The following WDPCP variants were observed in gnomAD, a reference collection of about 807,000 sequenced individuals.
WDPCP encodes WD repeat-containing and planar cell polarity effector protein fritz homolog.
Under a neutral mutation model 93.1 loss-of-function variants are expected in WDPCP, and 71 were observed. That is an observed-to-expected ratio of 0.76 (90% CI 0.63 to 0.93). The LOEUF is 0.93. Ranked by LOEUF, WDPCP falls within the 40% of genes least tolerant of loss-of-function variation. The probability of loss-of-function intolerance (pLI) is 0.00; values close to 1 mark genes in which losing one functional copy is unlikely to be tolerated. For synonymous variants in WDPCP, 315 were observed against 315.0 expected (o/e 1.00, Z 0.00); for missense variants, 844 against 887.4 (o/e 0.95, Z 0.62).
At chr2:63,141,074 G>A (rs184519795) in intron 17 of WDPCP, among the ~76,000 whole-genome samples, 3 of 151,792 alleles carry the variant, frequency 2.0e-5, no homozygotes, top group East Asian at 1.9e-4. Flanking sequence ...AGATGATCAT[G>A]TGATTTTTAC....
chr2:63,700,282 C>CAAAAAAAAAAAAAAAAAAA (rs1196006011), intron 2 of WDPCP, among the ~76,000 whole-genome samples: 11 of 41,564 alleles, frequency 2.6e-4, no homozygotes, highest in Admixed American at 3.2e-4. Flanking sequence ...GACCCTGTCT[C>CAAAAAAAAAAAAAAAAAAA]AAAAAAAAAA....
At chr2:63,494,066 T>G (rs1701056831) in intron 1 of WDPCP, among the ~76,000 whole-genome samples, 1 of 152,164 alleles carries the variant, frequency 6.6e-6, no homozygotes, top group Admixed American at 6.5e-5. Context: ...TTACATTTAT[T>G]TGACCTCAAT....
At chr2:63,562,698 C>T (rs1706718100) in intron 1 of WDPCP, among the ~76,000 whole-genome samples, 1 of 152,070 alleles carries the variant, frequency 6.6e-6, no homozygotes, top group Non-Finnish European at 1.5e-5. Context: ...TAGAGCTTTC[C>T]AATTGAAACT....
At chr2:63,716,819 T>C (rs1356673907) in intron 2 of WDPCP, among the ~76,000 whole-genome samples, 1 of 152,232 alleles carries the variant, frequency 6.6e-6, no homozygotes, top group Non-Finnish European at 1.5e-5. Flanking sequence ...TATATTTTAC[T>C]AATTAAAGGC....
intron 14 of WDPCP, among the ~76,000 whole-genome samples, chr2:63,195,099 C>A (rs974591858): frequency 6.6e-6 from 1 of 152,020 alleles, no homozygotes; most frequent in Non-Finnish European, 1.5e-5. Context: ...CTTTACATTT[C>A]AGAAATTTTT....
At chr2:63,721,609 C>T (rs2103788783) in intron 2 of WDPCP, among the ~76,000 whole-genome samples, 1 of 152,232 alleles carries the variant, frequency 6.6e-6, no homozygotes. Flanking sequence ...CTATAATGGC[C>T]TTTCCATTTT....
At chr2:63,474,898 T>C (rs1228723948) in intron 6 of WDPCP, among the ~76,000 whole-genome samples, 1 of 152,168 alleles carries the variant, frequency 6.6e-6, no homozygotes, top group Non-Finnish European at 1.5e-5. Context: ...AGTAAAAAGA[T>C]AAATATCAAA....
intron 1 of WDPCP, among the ~76,000 whole-genome samples, chr2:63,497,460 T>C (rs1004082746): frequency 3.3e-5 from 5 of 152,152 alleles, no homozygotes; most frequent in Admixed American, 6.5e-5. Flanking sequence ...GGGAGGAAGA[T>C]AGTCAAATGT....
In WDPCP at chr2:63,487,543, G is replaced by A. The variant is rs772344678; in HGVS notation, c.161-49C>T. ...TAAATTATGATTTAAAAGTCCCAGA[G>A]AATAAGAAGCCAAGCCATACTATAT... On this transcript the variant is annotated intron_variant, in intron 2 of 17. Coordinates refer to ENST00000272321, the MANE Select transcript of WDPCP (RefSeq NM_015910.7). 6.4e-6 allele frequency: 9 copies of A among 1,402,302 alleles called. No individual in the cohort carries two copies. The East Asian group carries it at 7.1e-5, about 11-fold the overall frequency. 86.9% of individuals were successfully genotyped at this position (1,402,302 alleles called of 1,614,324 possible).
intron 1 of WDPCP, among the ~76,000 whole-genome samples, chr2:63,539,581 G>A (rs766382663): frequency 4.6e-5 from 7 of 152,016 alleles, no homozygotes; most frequent in South Asian, 4.2e-4. Context: ...AATTGGTTGC[G>A]AGGATGAGTC....
intron 17 of WDPCP, 114 bp downstream of exon 17, chr2:63,152,800 A>C: frequency 1.1e-6 from 1 of 935,858 alleles, no homozygotes; most frequent in South Asian, 1.4e-5. Flanking sequence ...TAGTTAATGT[A>C]GTCCAGTTAA....
At chr2:63,606,877 T>C (rs759257595) in intron 3 of WDPCP, 2 of 1,610,898 alleles carry the variant, frequency 1.2e-6, no homozygotes, top group Admixed American at 3.3e-5. Flanking sequence ...GACCTGGAAG[T>C]TTGTTGAAGG....
At chr2:63,725,186 G>A (rs1226842848) in intron 2 of WDPCP, among the ~76,000 whole-genome samples, 1 of 151,968 alleles carries the variant, frequency 6.6e-6, no homozygotes, top group African/African-American at 2.4e-5. Flanking sequence ...GTTTTTTGAT[G>A]TTCAGCCTCC....
chr2:63,160,742 C>T lies in WDPCP; in HGVS notation c.2079-7168G>A, dbSNP rs552000321. Among the ~76,000 whole-genome samples the T allele has an allele frequency of 2.6e-5, 4 of 152,102 alleles. No individual in the cohort carries two copies. The South Asian group carries it at 6.2e-4, about 24-fold the overall frequency. ...ATTAGAAAATCATCATTTCACAACCCCTAATAAAATAATCTAGGCAATGTT... is the reference window on the plus strand; with the variant it reads ...ATTAGAAAATCATCATTTCACAACCTCTAATAAAATAATCTAGGCAATGTT... On this transcript the variant is annotated intron_variant, in intron 15 of 17. Transcript: ENST00000272321.
chr2:63,777,888 A>G (rs1437937662), intron 2 of WDPCP, among the ~76,000 whole-genome samples: 12 of 152,178 alleles, frequency 7.9e-5, no homozygotes, highest in Admixed American at 7.2e-4. Context: ...TCTAACATCA[A>G]ATTATACACT....
Position 63,313,853 on chromosome 2 carries a change from C to CATAT in WDPCP, c.1749-546_1749-543dup, listed in dbSNP as rs1239251914. Among the ~76,000 whole-genome samples the CATAT allele has an allele frequency of 3.5e-3, 135 of 38,510 alleles. 2 individuals carry two copies. The highest frequency in any genetic ancestry group is 4.4e-3 in the Non-Finnish European group (112 of 25,472). The allele number at this position is 38,510 out of a possible 152,430, so 25.3% of individuals were successfully genotyped here. A position where few individuals can be genotyped will look rare whatever the true frequency, so the allele number is the denominator to read the frequency against. ...TATCTGGCAATACTAATTATTCATA[C>CATAT]ATATATATATATATATATATATATA... On this transcript the variant is annotated intron_variant, in intron 12 of 17. Transcript: ENST00000272321.
chr2:63,205,255 T>C (rs923955383), intron 14 of WDPCP, among the ~76,000 whole-genome samples: 1 of 152,172 alleles, frequency 6.6e-6, no homozygotes, highest in African/African-American at 2.4e-5. Context: ...CTCTGTAGTA[T>C]AATTTTAAGT....
chr2:63,288,092 A>G (rs143757850), intron 13 of WDPCP, among the ~76,000 whole-genome samples: 3 of 152,350 alleles, frequency 2.0e-5, no homozygotes, highest in African/African-American at 4.8e-5. Context: ...ACCCAACAGT[A>G]TCATGCCAAG....
intron 3 of WDPCP, chr2:63,622,701 A>C (rs1575732241): frequency 6.2e-7 from 1 of 1,613,498 alleles, no homozygotes; most frequent in Non-Finnish European, 8.5e-7. Flanking sequence ...GTCAGGGGTC[A>C]CCTCCCGGTG....
Sources: allele counts gnomAD v4.1 joint callset (sites outside exome capture counted in the v4.1 genomes callset), GRCh38; gene constraint gnomAD v4.1.1; transcripts MANE v1.5; gene names NCBI Gene and HGNC (gene_info 2026-07-23, HGNC 2026-07-21).